The following MAF variants were observed in gnomAD, a reference collection of about 807,000 sequenced individuals.
MAF encodes the protein MAF bZIP transcription factor.
A neutral mutation model predicts 22.0 loss-of-function variants in MAF; 10 were observed. The observed-to-expected ratio is 0.45, with a 90% CI of 0.28 to 0.77. The LOEUF (loss-of-function observed/expected upper bound fraction) is 0.77, where lower values mean the gene tolerates loss of function less well. MAF is among the 30% of genes least tolerant of loss of function. The pLI, the probability that MAF is intolerant of heterozygous loss-of-function variation, is 0.12. For missense variants in MAF, 544 were observed against 548.4 expected, an observed-to-expected ratio of 0.99 and a Z score of 0.08; for synonymous variants, 337 against 255.8, an observed-to-expected ratio of 1.32 and a Z score of -3.03.
chr16:79,449,994 G>T, the MAF span, among the ~76,000 whole-genome samples: 8 of 152,152 alleles, frequency 5.3e-5, no homozygotes, highest in African/African-American at 1.7e-4. Context: ...ATTGACAGAC[G>T]CCGCTAAAAC....
At chr16:79,331,789 A>T in the MAF span, among the ~76,000 whole-genome samples, 1 of 151,930 alleles carries the variant, frequency 6.6e-6, no homozygotes, top group Non-Finnish European at 1.5e-5. Context: ...CATTCCCTCC[A>T]TTCAGAACCC....
chr16:79,352,021 T>A, the MAF span, among the ~76,000 whole-genome samples: 2 of 152,162 alleles, frequency 1.3e-5, no homozygotes, highest in African/African-American at 4.8e-5. Flanking sequence ...TTTTTGGCCC[T>A]GGTTCTTGCC....
chr16:79,499,033 G>C, the MAF span, among the ~76,000 whole-genome samples: 3 of 152,174 alleles, frequency 2.0e-5, no homozygotes, highest in Non-Finnish European at 4.4e-5. Context: ...GCCCTCCCCA[G>C]ATAGACAAGG....
chr16:79,597,912 G>GT (rs994622413), intron 1 of MAF: 14 of 1,037,332 alleles, frequency 1.3e-5, no homozygotes, highest in East Asian at 5.9e-5. Context: ...ATGAGAATGA[G>GT]TTTTTTTAAT....
chr16:79,484,865 T>C, the MAF span, among the ~76,000 whole-genome samples: 1 of 152,200 alleles, frequency 6.6e-6, no homozygotes, highest in Non-Finnish European at 1.5e-5. Flanking sequence ...AGAAAGGACC[T>C]GAAGGTCTGG....
chr16:79,476,300 T>C, the MAF span, among the ~76,000 whole-genome samples: 22 of 152,226 alleles, frequency 1.4e-4, no homozygotes, highest in Middle Eastern at 3.4e-3. Flanking sequence ...CATGGAAACT[T>C]TGAGATAACA....
downstream of MAF, among the ~76,000 whole-genome samples, chr16:79,592,235 G>A (rs1913230991): frequency 6.6e-6 from 1 of 152,236 alleles, no homozygotes; most frequent in East Asian, 1.9e-4. Flanking sequence ...TCTCTCTAAA[G>A]GGTAAAGATG....
the MAF span, among the ~76,000 whole-genome samples, chr16:79,562,754 T>C: frequency 6.6e-6 from 1 of 152,178 alleles, no homozygotes; most frequent in African/African-American, 2.4e-5. Flanking sequence ...CAACTCAGTA[T>C]TGTACTCACT....
the MAF span, chr16:79,211,498 G>C: frequency 1.4e-6 from 2 of 1,416,808 alleles, no homozygotes; most frequent in Non-Finnish European, 9.8e-7. Flanking sequence ...AGATCCAGCT[G>C]AAACTGAACC....
At chr16:79,247,011 C>T in the MAF span, among the ~76,000 whole-genome samples, 1 of 152,170 alleles carries the variant, frequency 6.6e-6, no homozygotes, top group Admixed American at 6.5e-5. Flanking sequence ...TAAACGAGAA[C>T]ATCAGCTAGT....
At chr16:79,302,473 C>A in the MAF span, among the ~76,000 whole-genome samples, 3 of 152,328 alleles carry the variant, frequency 2.0e-5, no homozygotes, top group East Asian at 5.8e-4. Context: ...TGGCTGATGC[C>A]TTAATCAGTG....
At chr16:79,354,414 G>T in the MAF span, among the ~76,000 whole-genome samples, 158 of 152,298 alleles carry the variant, frequency 1.0e-3, no homozygotes, top group Non-Finnish European at 1.8e-3. Flanking sequence ...ACCATTATGT[G>T]TGCTGGGTGA....
chr16:79,537,916 G>C, the MAF span, among the ~76,000 whole-genome samples: 1 of 152,150 alleles, frequency 6.6e-6, no homozygotes, highest in Non-Finnish European at 1.5e-5. Flanking sequence ...ATGTGACATG[G>C]ATACTATTTA....
chr16:79,493,104 T>G, the MAF span, among the ~76,000 whole-genome samples: 1 of 151,808 alleles, frequency 6.6e-6, no homozygotes, highest in East Asian at 1.9e-4. Flanking sequence ...ATTACAGGTG[T>G]GCACTACCAT....
chr16:79,340,627 T>C, the MAF span, among the ~76,000 whole-genome samples: 1 of 151,844 alleles, frequency 6.6e-6, no homozygotes, highest in Non-Finnish European at 1.5e-5. Flanking sequence ...CAGACAACTT[T>C]ATATGCAAAT....
At chr16:79,496,509 T>C in the MAF span, among the ~76,000 whole-genome samples, 1 of 152,244 alleles carries the variant, frequency 6.6e-6, no homozygotes, top group Non-Finnish European at 1.5e-5. Flanking sequence ...GGTTCTGTTA[T>C]CACAGCTGCT....
the MAF span, among the ~76,000 whole-genome samples, chr16:79,487,926 T>A: frequency 6.6e-6 from 1 of 152,336 alleles, no homozygotes; most frequent in East Asian, 1.9e-4. Context: ...ACGCAGGGGA[T>A]AAGGCCCTGT....
At chr16:79,240,118 T>C in the MAF span, among the ~76,000 whole-genome samples, 15 of 151,804 alleles carry the variant, frequency 9.9e-5, no homozygotes, top group African/African-American at 2.4e-4. Context: ...CAGAATGGCA[T>C]TGGGGGTTTA....
the MAF span, among the ~76,000 whole-genome samples, chr16:79,276,664 A>T: frequency 3.3e-5 from 5 of 152,318 alleles, no homozygotes; most frequent in African/African-American, 1.2e-4. Context: ...CAGGAGCCAC[A>T]TCTTGTGCTC....
Sources: gnomAD v4.1 joint callset for allele counts (sites outside exome capture counted in the v4.1 genomes callset) on GRCh38, gnomAD v4.1.1 for gene constraint, MANE v1.5 for transcripts, NCBI Gene and HGNC (gene_info 2026-07-23, HGNC 2026-07-21) for gene names.